Variants in PALS2 observed in about 807,000 individuals in gnomAD.
PALS2 encodes protein PALS2.
In PALS2, 27 loss-of-function variants were observed where a neutral mutation model predicts 61.6. The observed-to-expected ratio is 0.44, with a 90% confidence interval of 0.32 to 0.60. The LOEUF is 0.60. PALS2 is among the 20% of genes least tolerant of loss of function. The pLI, the probability that PALS2 is intolerant of heterozygous loss-of-function variation, is 0.05. For missense variants in PALS2, 554 were observed against 639.4 expected, an observed-to-expected ratio of 0.87 and a Z score of 1.44; for synonymous variants, 236 against 218.6, an observed-to-expected ratio of 1.08 and a Z score of -0.70.
At chr7:24,643,992 G>T (rs1356683551) in intron 3 of PALS2, among the ~76,000 whole-genome samples, 1 of 151,318 alleles carries the variant, frequency 6.6e-6, no homozygotes, top group African/African-American at 2.4e-5. Context: ...GTAATCAATT[G>T]TGTTTTTATC....
At chr7:24,595,525 A>AT (rs1445663208) in intron 1 of PALS2, among the ~76,000 whole-genome samples, 7,331 of 131,838 alleles carry the variant, frequency 0.056, 274 homozygotes, top group African/African-American at 0.086. Flanking sequence ...TAATATATAT[A>AT]ATATATAATA....
chr7:24,636,949 A>G (rs540262247), intron 2 of PALS2, among the ~76,000 whole-genome samples: 1 of 152,296 alleles, frequency 6.6e-6, no homozygotes. Flanking sequence ...TAATGTATGT[A>G]TCTTTCAGAT....
At position 24,687,727 on chromosome 7, in the gene PALS2, A is replaced by G; in HGVS notation, c.*113A>G. On this transcript the variant is annotated 3_prime_UTR_variant, in exon 12 of 12. Coordinates refer to ENST00000222644, the MANE Select transcript of PALS2 (RefSeq NM_001303037.2). The surrounding 1 kb of genome is among the most constrained non-coding windows in gnomAD (Gnocchi z 4.5). ...AGAAGATTATCTGCTAAGTCCAGGC[A>G]TTTTTATGGTGTAGATTGAAATAAT... 2 of 1,072,540 alleles carry G rather than the reference A, an allele frequency of 1.9e-6. No individual in the cohort carries two copies. Among genetic ancestry groups the G allele is most frequent in the South Asian group, 1.9e-5 (1 of 53,938 alleles). 66.4% of individuals were successfully genotyped at this position (1,072,540 alleles called of 1,614,324 possible).
At chr7:24,614,329 T>C (rs577790226) in intron 1 of PALS2, among the ~76,000 whole-genome samples, 2 of 152,042 alleles carry the variant, frequency 1.3e-5, no homozygotes, top group East Asian at 1.9e-4. Flanking sequence ...TGTATAGATA[T>C]ACTACTGATT....
chr7:24,672,276 G>A (rs899495559), intron 9 of PALS2, among the ~76,000 whole-genome samples: 8 of 151,724 alleles, frequency 5.3e-5, no homozygotes, highest in African/African-American at 1.9e-4. Context: ...TGCCCAGGCT[G>A]GAGTGCAATG....
chr7:24,581,779 T>C (rs1300820858), intron 1 of PALS2, among the ~76,000 whole-genome samples: 1 of 152,192 alleles, frequency 6.6e-6, no homozygotes, highest in East Asian at 1.9e-4. Context: ...CCAATAGCTT[T>C]TTTGGGGTAT....
intron 5 of PALS2, among the ~76,000 whole-genome samples, chr7:24,654,730 A>C (rs781385493): frequency 2.0e-5 from 3 of 152,184 alleles, no homozygotes; most frequent in Non-Finnish European, 4.4e-5. Context: ...GGAATTTGAT[A>C]AGATGAATAG....
At chr7:24,625,835 C>T (rs573021888) in intron 2 of PALS2, among the ~76,000 whole-genome samples, 1 of 151,930 alleles carries the variant, frequency 6.6e-6, no homozygotes, top group Non-Finnish European at 1.5e-5. Flanking sequence ...TAAGGAAAAA[C>T]AATGGTAGTT....
intron 2 of PALS2, among the ~76,000 whole-genome samples, chr7:24,638,275 A>G (rs77124354): frequency 0.063 from 9,499 of 149,680 alleles, 359 homozygotes; most frequent in African/African-American, 0.093. Context: ...ATTTATAGCT[A>G]CAGTTTCTAA....
chr7:24,602,946 G>C (rs1455093383), intron 1 of PALS2, among the ~76,000 whole-genome samples: 6 of 152,154 alleles, frequency 3.9e-5, no homozygotes, highest in African/African-American at 1.4e-4. Context: ...CTTTCCTGCT[G>C]CCCTGTGAAG....
intron 5 of PALS2, among the ~76,000 whole-genome samples, chr7:24,652,562 G>C (rs113154324): frequency 2.6e-5 from 4 of 151,788 alleles, no homozygotes; most frequent in African/African-American, 9.7e-5. Context: ...TAACATGAAG[G>C]CTTCCAAAAG....
At chr7:24,636,126 C>T (rs1447858081) in intron 2 of PALS2, among the ~76,000 whole-genome samples, 5 of 150,512 alleles carry the variant, frequency 3.3e-5, no homozygotes, top group Admixed American at 2.0e-4. Context: ...GCAGGAGAAT[C>T]GCTTGAACCC....
At chr7:24,686,596 G>C (rs1258519887) in intron 11 of PALS2, among the ~76,000 whole-genome samples, 6 of 152,052 alleles carry the variant, frequency 3.9e-5, no homozygotes, top group Admixed American at 3.9e-4. Flanking sequence ...CTTTGTGCCT[G>C]TTTTGTTTCT....
intron 11 of PALS2, among the ~76,000 whole-genome samples, chr7:24,682,499 C>T (rs969597172): frequency 2.0e-5 from 3 of 152,178 alleles, no homozygotes; most frequent in Non-Finnish European, 2.9e-5. Context: ...TTTGGGCTCA[C>T]TCTCCCCATC....
intron 1 of PALS2, among the ~76,000 whole-genome samples, chr7:24,623,200 GTTT>G (rs375157787): frequency 1.6e-5 from 2 of 128,332 alleles, no homozygotes. Flanking sequence ...CTTCTCTTCC[GTTT>G]TTTTTTTTTT....
chr7:24,575,721 T>C (rs1267771464), intron 1 of PALS2, among the ~76,000 whole-genome samples: 1 of 152,212 alleles, frequency 6.6e-6, no homozygotes, highest in Non-Finnish European at 1.5e-5. Context: ...CATCATATTA[T>C]TGCTGAGAGA....
chr7:24,615,995 A>C (rs1350329721), intron 1 of PALS2, among the ~76,000 whole-genome samples: 4 of 152,192 alleles, frequency 2.6e-5, no homozygotes, highest in African/African-American at 9.6e-5. Context: ...TGTAAAATTC[A>C]ACATTCCTTC....
chr7:24,652,964 G>A (rs1396028488), intron 5 of PALS2, among the ~76,000 whole-genome samples: 1 of 152,168 alleles, frequency 6.6e-6, no homozygotes, highest in Non-Finnish European at 1.5e-5. Flanking sequence ...AGCCAATTCT[G>A]AAGTTCTTCA....
intron 1 of PALS2, among the ~76,000 whole-genome samples, chr7:24,577,400 A>C (rs964416519): frequency 2.0e-5 from 3 of 151,926 alleles, no homozygotes; most frequent in African/African-American, 7.3e-5. Flanking sequence ...TATCTGTCAG[A>C]GTTATCACTG....
Sources: gnomAD v4.1 joint callset for allele counts (sites outside exome capture counted in the v4.1 genomes callset) on GRCh38, gnomAD v4.1.1 for gene constraint, Gnocchi (gnomAD v3.1) non-coding constraint, MANE v1.5 for transcripts, NCBI Gene and HGNC (gene_info 2026-07-23, HGNC 2026-07-21) for gene names.